LGI1: variants seen among roughly 807,000 people sequenced by gnomAD.
LGI1 encodes leucine-rich glioma-inactivated protein 1.
A neutral mutation model predicts 57.7 loss-of-function variants in LGI1; 11 were observed. The ratio of observed to expected loss-of-function variants is 0.19; its 90% CI spans 0.12 to 0.32. LGI1 has a LOEUF of 0.32. Ranked by LOEUF, LGI1 falls within the 10% of genes least tolerant of loss-of-function variation. LGI1 has a pLI of 1.00. For synonymous variants in LGI1, 222 were observed against 241.9 expected, an observed-to-expected ratio of 0.92 and a Z score of 0.76; for missense variants, 422 against 661.9, an observed-to-expected ratio of 0.64 and a Z score of 3.98.
intron 2 of LGI1, among the ~76,000 whole-genome samples, chr10:93,773,963 G>A (rs188389574): frequency 6.6e-6 from 1 of 152,232 alleles, no homozygotes; most frequent in African/African-American, 2.4e-5. Flanking sequence ...CATTTGGATG[G>A]TACATTGGTT....
Position 93,797,034 on chromosome 10 carries a change from T to C in LGI1, c.905T>C (p.Leu302Pro). 1 of 1,614,116 alleles carries C rather than the reference T, an allele frequency of 6.2e-7. No homozygotes were observed. The highest frequency in any genetic ancestry group is 1.7e-5 in the Admixed American group (1 of 60,002). Reference sequence around the variant, plus strand: ...CAGCTCTATGTTATTGTGGCCCAGCTGTTTGGTGGCTCTCACATCTATAAG... The same window carrying C: ...CAGCTCTATGTTATTGTGGCCCAGCCGTTTGGTGGCTCTCACATCTATAAG... ...ETQLYVIVAQLFGGSHIYKRD... is the reference protein window; with the variant it reads ...ETQLYVIVAQPFGGSHIYKRD... The change falls in exon 8 of 8, where the codon CTG becomes CCG. Residue 302 changes from leucine (L) to proline (P), a missense_variant. By Grantham distance (98) the Leu-to-Pro change is moderately conservative. Transcript: ENST00000371418. This position sits in a 1 kb window ranked among gnomAD's most constrained non-coding sequence, Gnocchi z 6.5.
Position 93,793,262 on chromosome 10 carries a change from A to G in LGI1, c.750A>G (p.Val250=). The stretch of plus-strand genomic sequence containing the variant: ...TTTCTTATTTGAATGATGAGTATGT[A>G]GTCATCGCTCAGCCTTTTACTGGAA... ...DTFSYLNDEY[V]VIAQPFTGKC... Residue 250 remains valine, a synonymous_variant, in exon 7 of 8, where the codon GTA becomes GTG. Coordinates refer to ENST00000371418, the MANE Select transcript of LGI1 (RefSeq NM_005097.4). 5 of 1,612,798 alleles carry G rather than the reference A, an allele frequency of 3.1e-6. No individual in the cohort carries two copies. The highest frequency in any genetic ancestry group is 4.2e-6 in the Non-Finnish European group (5 of 1,178,820).
At chr10:93,778,927 C>T (rs1431852821) in intron 4 of LGI1, 1 of 152,116 alleles carries the variant, frequency 6.6e-6, no homozygotes, top group East Asian at 1.9e-4. Flanking sequence ...TGTTTTGTAG[C>T]AAAGAGAAGC....
intron 7 of LGI1, 61 bp from the exon 8 acceptor site, chr10:93,796,907 A>G: frequency 7.4e-7 from 1 of 1,350,208 alleles, no homozygotes; most frequent in Non-Finnish European, 1.1e-6. Context: ...CCCAGCCCGC[A>G]TGTTTACATG....
intron 2 of LGI1, chr10:93,765,080 A>C (rs2059660486): frequency 6.6e-6 from 1 of 152,168 alleles, no homozygotes; most frequent in African/African-American, 2.4e-5. Context: ...TTAAATAATT[A>C]ATATTGGCAG....
chr10:93,769,173 T>C (rs1379918297), intron 2 of LGI1: 1 of 152,192 alleles, frequency 6.6e-6, no homozygotes, highest in Non-Finnish European at 1.5e-5. Flanking sequence ...AAGGAGAGTG[T>C]TAGTAAAAAC....
rs199916185 is a variant in LGI1, at chr10:93,793,256, G to A, written c.744G>A (p.Glu248=). The A allele has an allele frequency of 4.3e-5, 69 of 1,611,398 alleles. 1 individual carries two copies. In the Middle Eastern group the frequency reaches 9.9e-4, roughly 23 times the overall value. ...SIDTFSYLND[E]YVVIAQPFTG... is the part of the protein sequence containing the mutation. ...ACACTTTTTCTTATTTGAATGATGA[G>A]TATGTAGTCATCGCTCAGCCTTTTA... is the stretch of plus-strand genomic sequence containing the variant. Residue 248 remains glutamate, a synonymous_variant, in exon 7 of 8, where the codon GAG becomes GAA. Transcript: ENST00000371418.
chr10:93,774,598 A>G (rs972187826), intron 2 of LGI1, among the ~76,000 whole-genome samples: 2 of 152,034 alleles, frequency 1.3e-5, no homozygotes, highest in Non-Finnish European at 2.9e-5. Flanking sequence ...TCTTAGCCCA[A>G]CTCACCTTTT....
chr10:93,795,599 T>C (rs900253007), intron 7 of LGI1, among the ~76,000 whole-genome samples: 2 of 152,184 alleles, frequency 1.3e-5, no homozygotes, highest in African/African-American at 2.4e-5. Context: ...GACAAATATA[T>C]GCCCCATACT....
In LGI1 at chr10:93,787,656, C is replaced by G. The variant is rs547012922; in HGVS notation, c.432-2443C>G. Among the ~76,000 whole-genome samples the G allele has an allele frequency of 2.7e-4, 41 of 152,132 alleles. No individual in the cohort carries two copies. The South Asian group carries it at 4.0e-3, about 15-fold the overall frequency. On this transcript the variant is annotated intron_variant, in intron 4 of 7. Coordinates refer to ENST00000371418, the MANE Select transcript of LGI1 (RefSeq NM_005097.4). ...GGTACAGTGGCTCACACCTGTAATCCCAGCACATTGGGAGGAAGAGGCATG... is the reference window on the plus strand; with the variant it reads ...GGTACAGTGGCTCACACCTGTAATCGCAGCACATTGGGAGGAAGAGGCATG...
At chr10:93,778,122 ACATTT>A (rs1167080078) in intron 4 of LGI1, among the ~76,000 whole-genome samples, 3 of 152,178 alleles carry the variant, frequency 2.0e-5, no homozygotes, top group Non-Finnish European at 4.4e-5. Context: ...CTCCCAGGGA[ACATTT>A]GGCAATATCT....
Position 93,758,069 on chromosome 10 carries a change from C to T in LGI1, c.-76C>T. 1 of 1,330,300 alleles carries T rather than the reference C, an allele frequency of 7.5e-7. No homozygotes were observed. The highest frequency in any genetic ancestry group is 1.8e-5 in the Admixed American group (1 of 56,348). The allele number at this position is 1,330,300 out of a possible 1,614,324, so 82.4% of individuals were successfully genotyped here. On this transcript the variant is annotated 5_prime_UTR_variant, in exon 1 of 8. Coordinates refer to ENST00000371418, the MANE Select transcript of LGI1 (RefSeq NM_005097.4). The surrounding 1 kb of genome is among the most constrained non-coding windows in gnomAD (Gnocchi z 4.7). ...AGGAAAAGGGTGGACTCCTATGTGA[C>T]CTGTTCTTAGAGCAAGACAATCACC...
At chr10:93,763,566 A>C (rs941652474) in intron 2 of LGI1, 5 of 152,160 alleles carry the variant, frequency 3.3e-5, no homozygotes, top group Admixed American at 6.5e-5. Flanking sequence ...TGTTACTCTC[A>C]GCAGATAATG....
At chr10:93,778,989 A>G (rs1035182542) in intron 4 of LGI1, 1 of 152,194 alleles carries the variant, frequency 6.6e-6, no homozygotes, top group Non-Finnish European at 1.5e-5. Context: ...TTCTGTATAG[A>G]GTTATTGTAA....
intron 7 of LGI1, among the ~76,000 whole-genome samples, chr10:93,795,186 G>T (rs767658165): frequency 5.3e-5 from 8 of 152,264 alleles, no homozygotes; most frequent in Non-Finnish European, 1.2e-4. Flanking sequence ...CTTTCTGAGG[G>T]CATCTCAGAG....
chr10:93,793,445 AT>A (rs2059953150), intron 7 of LGI1, 95 bp downstream of exon 7: 1 of 1,081,936 alleles, frequency 9.2e-7, no homozygotes, highest in African/African-American at 1.6e-5. Context: ...ATGCTTTAGC[AT>A]TTGAATTCCA....
intron 6 of LGI1, 108 bp from the exon 7 acceptor site, chr10:93,793,078 G>T (rs2059950037): frequency 8.5e-7 from 1 of 1,182,634 alleles, no homozygotes. Context: ...AAAGTAAAAT[G>T]GCCATTTTAC....
At chr10:93,773,722 G>A (rs1357472052) in intron 2 of LGI1, among the ~76,000 whole-genome samples, 2 of 152,014 alleles carry the variant, frequency 1.3e-5, no homozygotes, top group East Asian at 1.9e-4. Flanking sequence ...CTTTGGGGAG[G>A]GTGTAGACAG....
chr10:93,793,043 C>G, intron 6 of LGI1, 131 bp downstream of exon 6: 4 of 1,154,146 alleles, frequency 3.5e-6, no homozygotes, highest in Non-Finnish European at 5.0e-6. Context: ...AAATTATGAA[C>G]CATTGACAAT....
Sources: gnomAD v4.1 joint callset for allele counts (sites outside exome capture counted in the v4.1 genomes callset) on GRCh38, gnomAD v4.1.1 for gene constraint, Gnocchi (gnomAD v3.1) non-coding constraint, MANE v1.5 for transcripts, NCBI Gene and HGNC (gene_info 2026-07-23, HGNC 2026-07-21) for gene names.